Variants in UTS2B observed in about 807,000 individuals in gnomAD.
UTS2B encodes urotensin-2B.
UTS2B carries 21 observed loss-of-function variants against 19.2 expected under a neutral mutation model. That is an observed-to-expected ratio of 1.09 (90% CI 0.78 to 1.58). The LOEUF is 1.58. UTS2B is among the 40% of genes most tolerant of loss of function. The pLI, the probability that UTS2B is intolerant of heterozygous loss-of-function variation, is 0.00. For synonymous variants in UTS2B, 57 were observed against 50.2 expected, an observed-to-expected ratio of 1.14 and a Z score of -0.58; for missense variants, 138 against 130.3, an observed-to-expected ratio of 1.06 and a Z score of -0.29.
intron 4 of UTS2B, among the ~76,000 whole-genome samples, chr3:191,291,617 C>A (rs1482525909): frequency 1.3e-5 from 2 of 151,916 alleles, no homozygotes; most frequent in African/African-American, 4.8e-5. Context: ...CACACCTGGC[C>A]AATTATTTGT....
At chr3:191,277,875 T>C (rs1716277838) in intron 6 of UTS2B, among the ~76,000 whole-genome samples, 197 bp downstream of exon 6, 1 of 151,706 alleles carries the variant, frequency 6.6e-6, no homozygotes, top group African/African-American at 2.4e-5. Flanking sequence ...TTGACCAAAA[T>C]AGGCTATTAA....
intron 4 of UTS2B, among the ~76,000 whole-genome samples, chr3:191,287,727 C>T (rs190092207): frequency 2.2e-4 from 33 of 151,696 alleles, no homozygotes; most frequent in East Asian, 1.2e-3. Flanking sequence ...ACCATTACTA[C>T]GCAACATTGT....
chr3:191,274,471 A>G (rs911105565), intron 8 of UTS2B, among the ~76,000 whole-genome samples: 7 of 152,330 alleles, frequency 4.6e-5, no homozygotes, highest in Non-Finnish European at 8.8e-5. Flanking sequence ...AGAAAATTAG[A>G]TAACTCTCCA....
rs576836722 is a variant in UTS2B at position 191,281,292 on chromosome 3, T to A, written c.103+795A>T. On this transcript the variant is annotated intron_variant, in intron 5 of 8. Coordinates refer to ENST00000340524, the MANE Select transcript of UTS2B (RefSeq NM_198152.5). The stretch of plus-strand genomic sequence containing the variant: ...GGCTGGAAAAGGTATTAGAGAACAT[T>A]ACTTTAAGTCACTATTTTGGAAACA... 7.2e-5 allele frequency among the ~76,000 whole-genome samples: 11 copies of A among 152,288 alleles called. No homozygotes were observed. In the Middle Eastern group the frequency reaches 0.01, roughly 141 times the overall value.
chr3:191,287,537 T>A (rs554093514), intron 4 of UTS2B, among the ~76,000 whole-genome samples: 2 of 151,950 alleles, frequency 1.3e-5, no homozygotes, highest in Non-Finnish European at 2.9e-5. Context: ...AAAAACATGA[T>A]AAAATGTATA....
chr3:191,301,153 G>A (rs184758562), intron 4 of UTS2B, among the ~76,000 whole-genome samples: 3 of 152,204 alleles, frequency 2.0e-5, no homozygotes, highest in Non-Finnish European at 4.4e-5. Context: ...GATTTTAGCT[G>A]TCTTTCCGGG....
intron 3 of UTS2B, among the ~76,000 whole-genome samples, chr3:191,312,327 G>A (rs966803607): frequency 2.0e-5 from 3 of 152,132 alleles, no homozygotes; most frequent in African/African-American, 7.2e-5. Context: ...CAAGGATCCT[G>A]AGGACACCAA....
intron 5 of UTS2B, among the ~76,000 whole-genome samples, chr3:191,279,982 T>G (rs183524316): frequency 8.5e-5 from 13 of 152,216 alleles, no homozygotes; most frequent in Admixed American, 5.2e-4. Context: ...TATTTGAATA[T>G]AAAATATCTG....
chr3:191,274,781 CAAT>C (rs1188917340), intron 8 of UTS2B, among the ~76,000 whole-genome samples: 1 of 151,928 alleles, frequency 6.6e-6, no homozygotes, highest in African/African-American at 2.4e-5. Flanking sequence ...AAGTAAGAAA[CAAT>C]AATTTCCTAG....
chr3:191,270,707 T>A (rs1716068750), intron 8 of UTS2B, among the ~76,000 whole-genome samples: 1 of 152,174 alleles, frequency 6.6e-6, no homozygotes, highest in Admixed American at 6.5e-5. Context: ...GGCAAGGCCA[T>A]TAATGACCTT....
In UTS2B at chr3:191,322,649, A is replaced by G. The variant is rs548810523; in HGVS notation, c.-586+5982T>C. Among the ~76,000 whole-genome samples the G allele has an allele frequency of 1.1e-3, 163 of 152,284 alleles. 2 individuals carry two copies. The highest frequency in any genetic ancestry group is 1.8e-3 in the Non-Finnish European group (123 of 68,014). On this transcript the variant is annotated intron_variant, in intron 2 of 8. Transcript: ENST00000340524. ...CTGAAGGGGACTGGAGATATGACAAATGTTTGTTAAGGTGGAGGAATTACA... is the reference window on the plus strand; with the variant it reads ...CTGAAGGGGACTGGAGATATGACAAGTGTTTGTTAAGGTGGAGGAATTACA...
intron 2 of UTS2B, among the ~76,000 whole-genome samples, chr3:191,327,704 G>A (rs1269063033): frequency 6.6e-6 from 1 of 152,110 alleles, no homozygotes; most frequent in African/African-American, 2.4e-5. Context: ...CAGGTCAAAG[G>A]GGCCTAGTGA....
intron 1 of UTS2B, chr3:191,329,829 GC>G (rs1717891175): frequency 1.7e-6 from 2 of 1,185,240 alleles, no homozygotes; most frequent in African/African-American, 1.6e-5. Flanking sequence ...CTCGCCCGGT[GC>G]CCGCCCTGCG....
At chr3:191,311,720 A>G (rs1014721589) in intron 3 of UTS2B, among the ~76,000 whole-genome samples, 1 of 152,232 alleles carries the variant, frequency 6.6e-6, no homozygotes, top group African/African-American at 2.4e-5. Context: ...TGCATTCATT[A>G]GTGCCTTAAT....
intron 3 of UTS2B, among the ~76,000 whole-genome samples, chr3:191,309,619 G>T (rs555357560): frequency 6.6e-6 from 1 of 152,284 alleles, no homozygotes; most frequent in East Asian, 1.9e-4. Flanking sequence ...GGTGGGGTCT[G>T]GTGGGAGGTA....
At chr3:191,310,893 C>A (rs560590246) in intron 3 of UTS2B, among the ~76,000 whole-genome samples, 1 of 152,150 alleles carries the variant, frequency 6.6e-6, no homozygotes. Flanking sequence ...TCAATTCCTT[C>A]GAAATATATT....
intron 2 of UTS2B, among the ~76,000 whole-genome samples, chr3:191,318,809 G>GT (rs1232286038): frequency 1.3e-5 from 2 of 152,032 alleles, no homozygotes; most frequent in East Asian, 3.9e-4. Flanking sequence ...ATACATAGTT[G>GT]TTTTTTGTTT....
chr3:191,311,621 T>G (rs1173776424), intron 3 of UTS2B, among the ~76,000 whole-genome samples: 1 of 152,218 alleles, frequency 6.6e-6, no homozygotes, highest in Non-Finnish European at 1.5e-5. Flanking sequence ...CCTCATACTT[T>G]TTAGATAGCC....
intron 5 of UTS2B, among the ~76,000 whole-genome samples, 169 bp downstream of exon 5, chr3:191,281,918 A>T (rs1716397503): frequency 6.6e-6 from 1 of 152,150 alleles, no homozygotes; most frequent in African/African-American, 2.4e-5. Context: ...AACAGCATTG[A>T]AGATGACATT....
Sources: allele counts gnomAD v4.1 joint callset (sites outside exome capture counted in the v4.1 genomes callset), GRCh38; gene constraint gnomAD v4.1.1; transcripts MANE v1.5; gene names NCBI Gene and HGNC (gene_info 2026-07-23, HGNC 2026-07-21).